MAGI1: variants seen among roughly 807,000 people sequenced by gnomAD.
MAGI1 encodes the protein membrane-associated guanylate kinase, WW and PDZ domain-containing protein 1.
Under a neutral mutation model 139.9 loss-of-function variants are expected in MAGI1, and 58 were observed. That is an observed-to-expected ratio of 0.41 (90% CI 0.34 to 0.52). The LOEUF is 0.52. Among genes scored for constraint, MAGI1 ranks in the 20% least tolerant of loss-of-function variants. The probability of loss-of-function intolerance (pLI) is 0.12; values close to 1 mark genes in which losing one functional copy is unlikely to be tolerated. For missense variants in MAGI1, 1,874 were observed against 1,901.6 expected (o/e 0.99, Z 0.27); for synonymous variants, 812 against 737.9 (o/e 1.10, Z -1.63).
rs1012982090 is a variant in MAGI1 at position 66,011,494 on chromosome 3, C to T, written c.313+26502G>A. Among the ~76,000 whole-genome samples, 8 of 152,226 alleles carry T rather than the reference C, an allele frequency of 5.3e-5. No individual in the cohort carries two copies. In the South Asian group the frequency reaches 6.2e-4, roughly 12 times the overall value. On this transcript the variant is annotated intron_variant, in intron 1 of 22. Transcript: ENST00000402939. ...GTGAACACTATGCTGTACTATGCCA[C>T]CCGCCTCCAGGATCCCCCTCCAAGA...
chr3:65,549,787 G>A (rs866385280), intron 2 of MAGI1, among the ~76,000 whole-genome samples: 22 of 152,172 alleles, frequency 1.4e-4, no homozygotes, highest in Non-Finnish European at 2.2e-4. Flanking sequence ...GGTAAGAGGG[G>A]CCCACCAAGA....
Position 65,437,141 on chromosome 3 carries a change from G to A in MAGI1, c.1363+14C>T, listed in dbSNP as rs549520544. 2 of 1,561,836 alleles carry A rather than the reference G, an allele frequency of 1.3e-6. No homozygotes were observed. The highest frequency in any genetic ancestry group is 4.5e-5 in the East Asian group (2 of 44,396). ...GCTAAAACCATGACACAATTAGAAA[G>A]ACAAGTACTTTACCCTGAAGTGGAA... On this transcript the variant is annotated intron_variant, in intron 10 of 22. Transcript: ENST00000402939.
At chr3:65,787,263 C>A (rs1038681469) in intron 1 of MAGI1, among the ~76,000 whole-genome samples, 18 of 152,184 alleles carry the variant, frequency 1.2e-4, no homozygotes, top group South Asian at 2.1e-4. Context: ...TTTACAGACA[C>A]AGGGCCCGGT....
At chr3:65,539,506 T>C (rs2079114836) in intron 2 of MAGI1, among the ~76,000 whole-genome samples, 1 of 152,224 alleles carries the variant, frequency 6.6e-6, no homozygotes. Flanking sequence ...CCGTGTTCTC[T>C]GGGACCAAGA....
chr3:65,775,146 T>C (rs528751486), intron 1 of MAGI1, among the ~76,000 whole-genome samples: 3 of 152,172 alleles, frequency 2.0e-5, no homozygotes, highest in African/African-American at 7.2e-5. Context: ...ATCCTATGAA[T>C]ATAACAAAGT....
intron 1 of MAGI1, among the ~76,000 whole-genome samples, chr3:65,924,189 T>C (rs930325927): frequency 3.3e-5 from 5 of 152,226 alleles, no homozygotes; most frequent in Non-Finnish European, 5.9e-5. Context: ...ATTTTAACTT[T>C]AGGAAGATTT....
chr3:65,511,701 T>A (rs1241180839), intron 2 of MAGI1, among the ~76,000 whole-genome samples: 3 of 149,684 alleles, frequency 2.0e-5, no homozygotes, highest in African/African-American at 7.4e-5. Context: ...CACATATTAA[T>A]AATGGGAGAC....
chr3:65,707,539 A>T (rs1034445897), intron 1 of MAGI1, among the ~76,000 whole-genome samples: 16 of 152,064 alleles, frequency 1.1e-4, no homozygotes, highest in African/African-American at 3.9e-4. Context: ...AAAATTTTTT[A>T]AATAGTCAGG....
At chr3:65,935,588 C>T (rs1243148579) in intron 1 of MAGI1, among the ~76,000 whole-genome samples, 1 of 152,140 alleles carries the variant, frequency 6.6e-6, no homozygotes, top group African/African-American at 2.4e-5. Context: ...TGCTACTGCA[C>T]TCCAGAGTGG....
At chr3:65,695,598 AG>A (rs1449782710) in intron 1 of MAGI1, among the ~76,000 whole-genome samples, 2 of 152,212 alleles carry the variant, frequency 1.3e-5, no homozygotes, top group Admixed American at 1.3e-4. Flanking sequence ...ATCCATTTAT[AG>A]ACTTGCTTTT....
At chr3:65,613,119 G>A (rs1439953234) in intron 2 of MAGI1, among the ~76,000 whole-genome samples, 4 of 152,090 alleles carry the variant, frequency 2.6e-5, no homozygotes, top group Non-Finnish European at 4.4e-5. Flanking sequence ...CTGTGGAGGT[G>A]GTTAGAACTA....
intron 1 of MAGI1, among the ~76,000 whole-genome samples, chr3:65,704,210 C>T (rs140105193): frequency 8.1e-4 from 123 of 152,324 alleles, no homozygotes; most frequent in African/African-American, 2.9e-3. Context: ...TTTTATTCCA[C>T]CAACACGAAC....
At chr3:65,626,022 T>C (rs983257482) in intron 1 of MAGI1, among the ~76,000 whole-genome samples, 1 of 152,208 alleles carries the variant, frequency 6.6e-6, no homozygotes, top group Non-Finnish European at 1.5e-5. Flanking sequence ...TATAAGGCAC[T>C]CTAGAAATTG....
Position 65,771,203 on chromosome 3 carries a change from A to T in MAGI1, c.314-149115T>A, listed in dbSNP as rs561610136. On this transcript the variant is annotated intron_variant, in intron 1 of 22. Coordinates refer to ENST00000402939, the MANE Select transcript of MAGI1 (RefSeq NM_001033057.2). ...GCACCTGTAGTCCCAGCTACTCAGG[A>T]GGCTAAGGCAGAAGAATCGCTTGAA... 5.9e-5 allele frequency among the ~76,000 whole-genome samples: 9 copies of T among 151,954 alleles called. No individual in the cohort carries two copies. The South Asian group carries it at 1.9e-3, about 32-fold the overall frequency.
In MAGI1 at chr3:65,356,880, G is replaced by A; in HGVS notation, c.3887C>T (p.Pro1296Leu). The A allele has an allele frequency of 2.5e-6, 4 of 1,614,114 alleles. No homozygotes were observed. The highest frequency in any genetic ancestry group is 3.4e-6 in the Non-Finnish European group (4 of 1,179,964). Residue 1296 changes from proline (P) to leucine (L), a missense_variant, in exon 23 of 23, where the codon CCC becomes CTC. Transcript: ENST00000402939. The part of the protein sequence containing the change: ...SRKPDSGACR[P>L]KDRAPEGRRD... ...CCGTCCCTCCGGCGCCCGGTCCTTG[G>A]GTCGGCATGCCCCGCTGTCGGGTTT...
intron 1 of MAGI1, among the ~76,000 whole-genome samples, chr3:65,809,685 C>T (rs1045860344): frequency 6.6e-6 from 1 of 152,146 alleles, no homozygotes; most frequent in African/African-American, 2.4e-5. Context: ...AGCCCTGAGG[C>T]CAGGGAGAAG....
intron 1 of MAGI1, among the ~76,000 whole-genome samples, chr3:65,962,616 C>T (rs2064496163): frequency 6.6e-6 from 1 of 151,832 alleles, no homozygotes; most frequent in Admixed American, 6.6e-5. Context: ...GGGAAGACTG[C>T]TTGAGGTCAG....
intron 2 of MAGI1, among the ~76,000 whole-genome samples, chr3:65,586,559 T>C (rs1000234501): frequency 1.3e-5 from 2 of 152,146 alleles, no homozygotes; most frequent in African/African-American, 4.8e-5. Context: ...TCAAAATGAA[T>C]ACAATTTGCT....
chr3:65,457,421 T>G (rs1186840435), intron 5 of MAGI1, among the ~76,000 whole-genome samples: 2 of 152,170 alleles, frequency 1.3e-5, no homozygotes, highest in Non-Finnish European at 2.9e-5. Context: ...TTTGGCTATT[T>G]GGACAAATTT....
Sources: gnomAD v4.1 joint callset for allele counts (sites outside exome capture counted in the v4.1 genomes callset) on GRCh38, gnomAD v4.1.1 for gene constraint, MANE v1.5 for transcripts, NCBI Gene and HGNC (gene_info 2026-07-23, HGNC 2026-07-21) for gene names.